Variants in GALNTL6 observed in about 807,000 individuals in gnomAD.
GALNTL6 encodes polypeptide N-acetylgalactosaminyltransferase-like 6.
A neutral mutation model predicts 73.7 loss-of-function variants in GALNTL6; 46 were observed. The ratio of observed to expected loss-of-function variants is 0.62; its 90% CI spans 0.49 to 0.80. The LOEUF is 0.80. GALNTL6 is among the 30% of genes least tolerant of loss of function. The probability of loss-of-function intolerance (pLI) is 0.00; values close to 1 mark genes in which losing one functional copy is unlikely to be tolerated. For missense variants in GALNTL6, 604 were observed against 755.0 expected (o/e 0.80, Z 2.34); for synonymous variants, 259 against 263.7 (o/e 0.98, Z 0.17).
rs115793500 is a variant in GALNTL6, at chr4:172,550,977, C to T, written c.553+202288C>T. Among the ~76,000 whole-genome samples the T allele has an allele frequency of 6.0e-3, 909 of 152,230 alleles. 6 individuals carry two copies. The highest frequency in any genetic ancestry group is 7.5e-3 in the Admixed American group (114 of 15,296). On this transcript the variant is annotated intron_variant, in intron 5 of 12. Coordinates refer to ENST00000506823, the MANE Select transcript of GALNTL6 (RefSeq NM_001034845.3). ...TTGAAACATAGTCCCGCAGGAGATACTAAACTGTGGACAGGGTTGAGAACT... is the reference window on the plus strand; with the variant it reads ...TTGAAACATAGTCCCGCAGGAGATATTAAACTGTGGACAGGGTTGAGAACT...
intron 2 of GALNTL6, among the ~76,000 whole-genome samples, chr4:172,198,797 C>T (rs1162995007): frequency 6.6e-6 from 1 of 152,166 alleles, no homozygotes; most frequent in Admixed American, 6.5e-5. Context: ...GCATCAAACC[C>T]AAACCACAAT....
At chr4:172,817,969 T>G (rs930952758) in intron 7 of GALNTL6, among the ~76,000 whole-genome samples, 2 of 152,224 alleles carry the variant, frequency 1.3e-5, no homozygotes, top group African/African-American at 4.8e-5. Context: ...TATTTGAGAA[T>G]AGTTGCCATG....
chr4:172,607,680 C>G (rs186636375), intron 5 of GALNTL6, among the ~76,000 whole-genome samples: 62 of 152,260 alleles, frequency 4.1e-4, no homozygotes, highest in Admixed American at 3.7e-3. Context: ...AACTACTTTC[C>G]ACAGTGGCTG....
At chr4:172,848,453 G>A (rs571641364) in intron 7 of GALNTL6, among the ~76,000 whole-genome samples, 96 of 152,128 alleles carry the variant, frequency 6.3e-4, no homozygotes, top group Non-Finnish European at 1.3e-3. Context: ...TGCTATTATA[G>A]CCTCAATATT....
chr4:172,648,724 C>A (rs1407762269), intron 5 of GALNTL6, among the ~76,000 whole-genome samples: 1 of 152,174 alleles, frequency 6.6e-6, no homozygotes, highest in Non-Finnish European at 1.5e-5. Context: ...CACACAAAAT[C>A]TGTCTTCCTC....
chr4:172,844,960 A>C (rs1743410148), intron 7 of GALNTL6, among the ~76,000 whole-genome samples: 2 of 152,190 alleles, frequency 1.3e-5, no homozygotes, highest in African/African-American at 4.8e-5. Flanking sequence ...TCACACCTGT[A>C]ATCCCAGCAC....
chr4:171,992,698 A>T (rs1579041387), intron 2 of GALNTL6, among the ~76,000 whole-genome samples: 1 of 152,102 alleles, frequency 6.6e-6, no homozygotes, highest in South Asian at 2.1e-4. Context: ...CTAAGAGAGT[A>T]TATCTCTTAT....
chr4:172,082,063 G>C (rs1178707797), intron 2 of GALNTL6, among the ~76,000 whole-genome samples: 2 of 151,888 alleles, frequency 1.3e-5, no homozygotes, highest in Non-Finnish European at 2.9e-5. Flanking sequence ...TTTTAGTAAA[G>C]ATGGGGTTTC....
chr4:172,758,223 T>C (rs575444562), intron 5 of GALNTL6, among the ~76,000 whole-genome samples: 48 of 152,238 alleles, frequency 3.2e-4, no homozygotes, highest in Non-Finnish European at 6.0e-4. Context: ...CTTAATATTA[T>C]ACAATTTTTT....
chr4:172,906,838 A>G (rs1434129264), intron 8 of GALNTL6, among the ~76,000 whole-genome samples: 1 of 152,224 alleles, frequency 6.6e-6, no homozygotes, highest in Non-Finnish European at 1.5e-5. Flanking sequence ...ATCTTCCTTG[A>G]GGAAAGGCCA....
At chr4:172,765,483 G>T (rs1362134559) in intron 5 of GALNTL6, among the ~76,000 whole-genome samples, 2 of 152,092 alleles carry the variant, frequency 1.3e-5, no homozygotes, top group Non-Finnish European at 2.9e-5. Context: ...AACACTTATG[G>T]AGAACACAGA....
chr4:172,478,124 T>G (rs1018659147), intron 5 of GALNTL6, among the ~76,000 whole-genome samples: 1 of 152,040 alleles, frequency 6.6e-6, no homozygotes, highest in Non-Finnish European at 1.5e-5. Flanking sequence ...GCAATTCCTG[T>G]CAAATTACGA....
chr4:172,639,097 C>A (rs1739838995), intron 5 of GALNTL6, among the ~76,000 whole-genome samples: 1 of 152,094 alleles, frequency 6.6e-6, no homozygotes, highest in African/African-American at 2.4e-5. Flanking sequence ...CAGATTTCTC[C>A]ACTGCAAAGT....
chr4:172,683,713 C>G (rs6839897), intron 5 of GALNTL6, among the ~76,000 whole-genome samples: 1 of 152,142 alleles, frequency 6.6e-6, no homozygotes, highest in African/African-American at 2.4e-5. Context: ...ATCTAGTTAA[C>G]TTCTAGCTAG....
At chr4:172,441,432 T>C (rs955110816) in intron 5 of GALNTL6, among the ~76,000 whole-genome samples, 3 of 152,162 alleles carry the variant, frequency 2.0e-5, no homozygotes, top group African/African-American at 7.2e-5. Context: ...TCGTGGTCAT[T>C]CACAGAATTA....
intron 2 of GALNTL6, among the ~76,000 whole-genome samples, chr4:172,026,011 A>G (rs1298981580): frequency 2.6e-5 from 4 of 152,102 alleles, no homozygotes; most frequent in Admixed American, 2.0e-4. Context: ...ACATCATTAT[A>G]TTTAAATTTA....
chr4:172,864,416 A>G (rs977428618), intron 7 of GALNTL6, among the ~76,000 whole-genome samples: 10 of 152,220 alleles, frequency 6.6e-5, no homozygotes, highest in Non-Finnish European at 1.5e-5. Flanking sequence ...ACAGTGTTGG[A>G]AAAACCCTAA....
chr4:172,982,539 G>A (rs1751112397), intron 10 of GALNTL6, among the ~76,000 whole-genome samples: 1 of 152,218 alleles, frequency 6.6e-6, no homozygotes, highest in South Asian at 2.1e-4. Flanking sequence ...AAAGTCAGAA[G>A]AGATGCTGAA....
intron 5 of GALNTL6, among the ~76,000 whole-genome samples, chr4:172,476,936 T>C (rs936842167): frequency 2.8e-5 from 4 of 141,658 alleles, no homozygotes; most frequent in African/African-American, 7.6e-5. Context: ...TTTTTTTTTT[T>C]TTTTTTGAGA....
Sources: gnomAD v4.1 joint callset for allele counts (sites outside exome capture counted in the v4.1 genomes callset) on GRCh38, gnomAD v4.1.1 for gene constraint, MANE v1.5 for transcripts, NCBI Gene and HGNC (gene_info 2026-07-23, HGNC 2026-07-21) for gene names.